Variants in NEO1 observed in about 807,000 individuals in gnomAD.
NEO1 encodes the protein neogenin 1.
Under a neutral mutation model 159.7 loss-of-function variants are expected in NEO1, and 63 were observed. That is an observed-to-expected ratio of 0.39 (90% CI 0.32 to 0.49). NEO1 has a LOEUF of 0.49. Ranked by LOEUF, NEO1 falls within the 20% of genes least tolerant of loss-of-function variation. The pLI is 0.85. For synonymous variants in NEO1, 633 were observed against 662.0 expected (o/e 0.96, Z 0.67); for missense variants, 1,615 against 1,831.0 (o/e 0.88, Z 2.15).
At chr15:73,162,036 G>T in intron 5 of NEO1, 1 of 239,102 alleles carries the variant, frequency 4.2e-6, no homozygotes. Flanking sequence ...TTTCCATTTT[G>T]GTTTGATTTT....
intron 14 of NEO1, among the ~76,000 whole-genome samples, chr15:73,259,774 G>A (rs568907035): frequency 1.2e-4 from 19 of 152,260 alleles, no homozygotes; most frequent in Admixed American, 7.9e-4. Flanking sequence ...AATCAACTGT[G>A]GCTCCAAACT....
intron 5 of NEO1, among the ~76,000 whole-genome samples, chr15:73,152,273 A>G (rs550394853): frequency 2.4e-4 from 36 of 152,262 alleles, no homozygotes; most frequent in South Asian, 1.2e-3. Flanking sequence ...CCAAGGCTCT[A>G]ATCTTCCCCA....
intron 1 of NEO1, among the ~76,000 whole-genome samples, chr15:73,088,479 G>A (rs1014293738): frequency 2.0e-5 from 3 of 152,026 alleles, no homozygotes; most frequent in Admixed American, 1.3e-4. Flanking sequence ...CTAAAAACAT[G>A]TAGTTTCAAA....
chr15:73,211,252 C>T lies in NEO1; in HGVS notation c.1292-25095C>T, dbSNP rs138934186. Among the ~76,000 whole-genome samples the T allele has an allele frequency of 9.0e-3, 1,365 of 152,262 alleles. 9 individuals carry two copies. Among genetic ancestry groups the T allele is most frequent in the Non-Finnish European group, 0.015 (1,003 of 68,010 alleles). On this transcript the variant is annotated intron_variant, in intron 7 of 28. Transcript: ENST00000261908. The stretch of plus-strand genomic sequence containing the variant: ...TGTAGACATTTGAAAACATGCAGAA[C>T]CATGATCCCTAAGACTAAGGAAAAC...
chr15:73,052,137 C>T (rs2067461904), upstream of NEO1, among the ~76,000 whole-genome samples: 1 of 150,198 alleles, frequency 6.7e-6, no homozygotes, highest in South Asian at 2.1e-4. Context: ...GGCGCGCGCG[C>T]CCCGCACCCG....
intron 14 of NEO1, 119 bp downstream of exon 14, chr15:73,258,995 T>C: frequency 1.3e-6 from 1 of 771,512 alleles, no homozygotes; most frequent in Admixed American, 2.2e-5. Context: ...CTTTAGTGCA[T>C]CACGCTGCTG....
chr15:73,108,920 C>T, intron 1 of NEO1, among the ~76,000 whole-genome samples: 1 of 152,080 alleles, frequency 6.6e-6, no homozygotes, highest in South Asian at 2.1e-4. Flanking sequence ...ATTCACAGCC[C>T]ATTGAGAGAA....
rs568174481 is a variant in NEO1 at position 73,194,371 on chromosome 15, T to C, written c.1291+15944T>C. On this transcript the variant is annotated intron_variant, in intron 7 of 28. Coordinates refer to ENST00000261908, the MANE Select transcript of NEO1 (RefSeq NM_002499.4). ...AGAATACCTAAGGATGGGTAATTTA[T>C]AAAGAAAAGAGATTTATTTGGCTCC... 1.7e-4 allele frequency among the ~76,000 whole-genome samples: 26 copies of C among 152,280 alleles called. No homozygotes were observed. In the South Asian group the frequency reaches 5.4e-3, roughly 32 times the overall value.
intron 5 of NEO1, among the ~76,000 whole-genome samples, chr15:73,159,228 G>GA (rs149600860): frequency 1.3e-5 from 2 of 152,128 alleles, no homozygotes; most frequent in Non-Finnish European, 2.9e-5. Flanking sequence ...CCAAAACCCA[G>GA]AAAAAACAGC....
At chr15:73,077,412 T>C (rs551236391) in intron 1 of NEO1, among the ~76,000 whole-genome samples, 105 of 152,336 alleles carry the variant, frequency 6.9e-4, no homozygotes, top group African/African-American at 2.5e-3. Context: ...TTCTCCACCC[T>C]ACTCAGTTTT....
At chr15:73,129,998 CT>C (rs899334115) in intron 4 of NEO1, among the ~76,000 whole-genome samples, 38 of 151,854 alleles carry the variant, frequency 2.5e-4, no homozygotes, top group Non-Finnish European at 4.7e-4. Flanking sequence ...ATTGTTAGTT[CT>C]TTTTTTTCTT....
intron 7 of NEO1, among the ~76,000 whole-genome samples, chr15:73,228,904 T>G (rs776897241): frequency 1.2e-4 from 18 of 152,204 alleles, no homozygotes; most frequent in Non-Finnish European, 2.4e-4. Context: ...AGGGTTTATT[T>G]CTGGACACTG....
intron 18 of NEO1, among the ~76,000 whole-genome samples, chr15:73,270,780 T>C (rs1217145046): frequency 6.6e-6 from 1 of 152,236 alleles, no homozygotes; most frequent in Non-Finnish European, 1.5e-5. Context: ...CCATGCTTGC[T>C]TGGAGCCTGA....
At chr15:73,100,646 T>A (rs2070354511) in intron 1 of NEO1, among the ~76,000 whole-genome samples, 1 of 152,218 alleles carries the variant, frequency 6.6e-6, no homozygotes, top group Non-Finnish European at 1.5e-5. Flanking sequence ...CTTTGATGTC[T>A]TGAACCCTCT....
chr15:73,088,780 A>G (rs1295992134), intron 1 of NEO1, among the ~76,000 whole-genome samples: 2 of 152,082 alleles, frequency 1.3e-5, no homozygotes, highest in African/African-American at 4.8e-5. Context: ...GAGGATGGGG[A>G]CATTCAAAAG....
chr15:73,217,086 CATCT>C (rs1305695820), intron 7 of NEO1, among the ~76,000 whole-genome samples: 2 of 151,974 alleles, frequency 1.3e-5, no homozygotes, highest in African/African-American at 4.8e-5. Context: ...GTCTTTAATC[CATCT>C]TGAACTGATT....
At chr15:73,289,093 G>A (rs1158838229) in intron 24 of NEO1, 53 bp from the exon 25 acceptor site, 5 of 1,424,342 alleles carry the variant, frequency 3.5e-6, no homozygotes, top group Admixed American at 1.7e-5. Flanking sequence ...TGTTGAGGCT[G>A]CTCAGTGGCA....
intron 1 of NEO1, among the ~76,000 whole-genome samples, chr15:73,060,575 A>G (rs2067928977): frequency 6.6e-6 from 1 of 151,794 alleles, no homozygotes; most frequent in Non-Finnish European, 1.5e-5. Context: ...CCAGGCAACT[A>G]GTTGTTTTAA....
At chr15:73,222,122 T>TTTTG (rs2038325128) in intron 7 of NEO1, 1 of 140,104 alleles carries the variant, frequency 7.1e-6, no homozygotes, top group Non-Finnish European at 1.5e-5. Context: ...TTTTTTTTTT[T>TTTTG]GAGACAGAGT....
Sources: allele counts gnomAD v4.1 joint callset (sites outside exome capture counted in the v4.1 genomes callset), GRCh38; gene constraint gnomAD v4.1.1; transcripts MANE v1.5; gene names NCBI Gene and HGNC (gene_info 2026-07-23, HGNC 2026-07-21).